DNAH17: variants seen among roughly 807,000 people sequenced by gnomAD.
The protein encoded by DNAH17 is dynein axonemal heavy chain 17.
Under a neutral mutation model 485.6 loss-of-function variants are expected in DNAH17, and 376 were observed. The ratio of observed to expected loss-of-function variants is 0.77; its 90% CI spans 0.71 to 0.84. The LOEUF is 0.84. Ranked by LOEUF, DNAH17 falls within the 40% of genes least tolerant of loss-of-function variation. The probability of loss-of-function intolerance (pLI) is 0.00; values close to 1 mark genes in which losing one functional copy is unlikely to be tolerated. For synonymous variants in DNAH17, 3,031 were observed against 2,405.9 expected (o/e 1.26, Z -7.60); for missense variants, 6,370 against 5,839.3 (o/e 1.09, Z -2.96).
chr17:78,495,207 C>T, intron 38 of DNAH17, 110 bp from the exon 39 acceptor site: 3 of 1,366,486 alleles, frequency 2.2e-6, no homozygotes. Flanking sequence ...AGGTAGACCA[C>T]AGCAGAGTGT....
intron 25 of DNAH17, among the ~76,000 whole-genome samples, chr17:78,524,570 C>T (rs930700168): frequency 6.6e-6 from 1 of 151,994 alleles, no homozygotes; most frequent in African/African-American, 2.4e-5. Context: ...GACATTACAT[C>T]TGCCTTGACT....
chr17:78,429,945 G>A (rs1729264514), intron 75 of DNAH17, among the ~76,000 whole-genome samples: 1 of 152,162 alleles, frequency 6.6e-6, no homozygotes. Context: ...TGACTTATCT[G>A]ACCTAGGCTG....
intron 62 of DNAH17, among the ~76,000 whole-genome samples, chr17:78,456,704 A>T (rs2087818867): frequency 6.6e-6 from 1 of 152,230 alleles, no homozygotes; most frequent in South Asian, 2.1e-4. Flanking sequence ...GTTGCCTGTT[A>T]GAGCCACTGA....
intron 1 of DNAH17, among the ~76,000 whole-genome samples, chr17:78,575,898 G>A (rs367761825): frequency 6.6e-6 from 1 of 152,360 alleles, no homozygotes; most frequent in East Asian, 1.9e-4. Flanking sequence ...AAATACCAAA[G>A]TTTCAAATAA....
Position 78,460,177 on chromosome 17 carries a change from C to A in DNAH17, c.9420G>T (p.Leu3140=). 1 of 1,607,550 alleles carries A rather than the reference C, an allele frequency of 6.2e-7. No homozygotes were observed. The highest frequency in any genetic ancestry group is 2.2e-5 in the East Asian group (1 of 44,798). ...CCCCCTTTACCTTATTCAGAGTGTC[C>A]AGAGCCTCCTGGGCTGCCAGCAGGG... ...EPALLAAQEA[L]DTLNKNNLTE... Residue 3140 remains leucine, a synonymous_variant, in exon 59 of 81, where the codon CTG becomes CTT. Coordinates refer to ENST00000389840, the MANE Select transcript of DNAH17 (RefSeq NM_173628.4).
chr17:78,539,679 G>C (rs2091468880), intron 18 of DNAH17, 58 bp downstream of exon 18: 6 of 1,387,040 alleles, frequency 4.3e-6, no homozygotes, highest in Admixed American at 2.7e-5. Flanking sequence ...AGAAACTATA[G>C]ATTCTAACAG....
At chr17:78,556,207 C>G (rs527475650) in intron 14 of DNAH17, among the ~76,000 whole-genome samples, 2 of 152,330 alleles carry the variant, frequency 1.3e-5, no homozygotes, top group South Asian at 4.1e-4. Context: ...ATCTCTCTAG[C>G]TACCGATCTA....
chr17:78,445,442 C>G, intron 70 of DNAH17, 116 bp downstream of exon 70: 1 of 1,418,130 alleles, frequency 7.1e-7, no homozygotes, highest in Non-Finnish European at 9.4e-7. Context: ...CCTTGCTTTA[C>G]TGAATTTATG....
In DNAH17 at chr17:78,462,860, TGCAGCTTCATCAGGCCGTTCTCC is replaced by T. The variant is rs1279206143; in HGVS notation, c.9135_9157del (p.Asn3047HisfsTer7). The T allele has an allele frequency of 6.2e-7, 1 of 1,613,862 alleles. No individual in the cohort carries two copies. Among genetic ancestry groups the T allele is most frequent in the Non-Finnish European group, 8.5e-7 (1 of 1,179,884 alleles). ...CTCTCCTACCTGGGAAGCCGTGCTCTGCAGCTTCATCAGGCCGTTCTCCAGCCTCTCGATTTTGGCAACAAGTT... is the reference window on the plus strand; with the variant it reads ...CTCTCCTACCTGGGAAGCCGTGCTCTAGCCTCTCGATTTTGGCAACAAGTT... On this transcript the variant is annotated frameshift_variant, in exon 57 of 81. Coordinates refer to ENST00000389840, the MANE Select transcript of DNAH17 (RefSeq NM_173628.4). LOFTEE classifies it high-confidence loss of function.
At chr17:78,476,005 C>CA in intron 52 of DNAH17, 172 bp from the exon 53 acceptor site, 2 of 666,660 alleles carry the variant, frequency 3.0e-6, no homozygotes, top group Non-Finnish European at 5.0e-6. Flanking sequence ...ACCACTGGGG[C>CA]AAAATTTCCT....
In DNAH17 at chr17:78,526,671, G is replaced by C; in HGVS notation, c.3691C>G (p.Pro1231Ala). The change falls in exon 24 of 81, where the codon CCC becomes GCC. Residue 1231 changes from proline to alanine, a missense_variant. Physicochemically the swap from Pro to Ala is conservative, Grantham distance 27. Coordinates refer to ENST00000389840, the MANE Select transcript of DNAH17 (RefSeq NM_173628.4). The stretch of plus-strand genomic sequence containing the variant: ...AATACCTTATTCAGGGACTTGTAGG[G>C]GTTGGGGTCGCTGAAGGAGAACGGG... ...EAPFSFSDPN[P>A]YKSLNKQQKS... The C allele has an allele frequency of 4.3e-6, 7 of 1,610,608 alleles. No homozygotes were observed. The highest frequency in any genetic ancestry group is 5.9e-6 in the Non-Finnish European group (7 of 1,177,482).
chr17:78,437,014 C>T (rs1211901033), intron 74 of DNAH17, among the ~76,000 whole-genome samples: 1 of 152,172 alleles, frequency 6.6e-6, no homozygotes, highest in Non-Finnish European at 1.5e-5. Context: ...CCTCGAGCCC[C>T]AGGTGCCAGG....
intron 26 of DNAH17, among the ~76,000 whole-genome samples, chr17:78,513,976 A>AGC (rs2143115828): frequency 6.6e-6 from 1 of 151,998 alleles, no homozygotes; most frequent in East Asian, 1.9e-4. Context: ...GAGAGAGGGG[A>AGC]GCGTTCCTGT....
At chr17:78,469,299 G>A (rs368415205) in intron 54 of DNAH17, among the ~76,000 whole-genome samples, 34 of 152,206 alleles carry the variant, frequency 2.2e-4, no homozygotes, top group African/African-American at 7.0e-4. Context: ...CCGCCACCAC[G>A]CCTGGCTAAT....
chr17:78,524,863 G>T, intron 25 of DNAH17, 146 bp downstream of exon 25: 1 of 1,115,642 alleles, frequency 9.0e-7, no homozygotes, highest in Non-Finnish European at 1.2e-6. Context: ...GCGATCTCAG[G>T]GCCCTTCGGA....
intron 62 of DNAH17, among the ~76,000 whole-genome samples, chr17:78,458,225 C>T (rs79426589): frequency 0.026 from 3,984 of 152,294 alleles, 185 homozygotes; most frequent in African/African-American, 0.089. Flanking sequence ...TGATGTAATC[C>T]GTGAAATGAC....
chr17:78,513,830 T>C (rs1427171783), intron 26 of DNAH17, among the ~76,000 whole-genome samples: 2 of 152,208 alleles, frequency 1.3e-5, no homozygotes, highest in Non-Finnish European at 2.9e-5. Flanking sequence ...TTTTTTCCTC[T>C]GCTGTAATTG....
At position 78,570,954 on chromosome 17, in the gene DNAH17, G is replaced by C. The variant is rs764711977; in HGVS notation, c.912C>G (p.Phe304Leu). ...ILLEEMEQAD[F>L]TMLPTFIAKV... ...CTCTCCCTTGCCTGCGCACCATCGT[G>C]AAGTCGGCTTGTTCCATCTCCTCCA... The change falls in exon 6 of 81, where the codon TTC becomes TTG. Residue 304 changes from phenylalanine to leucine, a missense_variant. By Grantham distance (22) the Phe-to-Leu change is conservative. Coordinates refer to ENST00000389840, the MANE Select transcript of DNAH17 (RefSeq NM_173628.4). 1.9e-6 allele frequency: 3 copies of C among 1,586,364 alleles called. No individual in the cohort carries two copies. The highest frequency in any genetic ancestry group is 2.6e-6 in the Non-Finnish European group (3 of 1,166,326).
At position 78,566,631 on chromosome 17, in the gene DNAH17, T is replaced by C; in HGVS notation, c.1552A>G (p.Ile518Val). Residue 518 changes from isoleucine (I) to valine (V), a missense_variant, in exon 11 of 81, where the codon ATC becomes GTC. Physicochemically the swap from Ile to Val is conservative, Grantham distance 29. Transcript: ENST00000389840. ...ATGCTTACCTTTGCGGAGGACTTGA[T>C]ACAGCTGCAGTCATCAAATCCTTGG... ...FCQGFDDCSC[I>V]KSSAKLLYMC... 1 of 1,608,094 alleles carries C rather than the reference T, an allele frequency of 6.2e-7. No individual in the cohort carries two copies. Among genetic ancestry groups the C allele is most frequent in the African/African-American group, 1.3e-5 (1 of 74,974 alleles).
Sources: gnomAD v4.1 joint callset for allele counts (sites outside exome capture counted in the v4.1 genomes callset) on GRCh38, gnomAD v4.1.1 for gene constraint, MANE v1.5 for transcripts, NCBI Gene and HGNC (gene_info 2026-07-23, HGNC 2026-07-21) for gene names.